SIRT5: variants seen among roughly 807,000 people sequenced by gnomAD.
SIRT5 encodes the protein NAD-dependent protein deacylase sirtuin-5, mitochondrial.
SIRT5 carries 26 observed loss-of-function variants against 40.0 expected under a neutral mutation model. That is an observed-to-expected ratio of 0.65 (90% CI 0.48 to 0.90). The LOEUF is 0.90. SIRT5 is among the 40% of genes least tolerant of loss of function. The pLI, the probability that SIRT5 is intolerant of heterozygous loss-of-function variation, is 0.00. For missense variants in SIRT5, 401 were observed against 402.4 expected, an observed-to-expected ratio of 1.00 and a Z score of 0.03; for synonymous variants, 146 against 149.1, an observed-to-expected ratio of 0.98 and a Z score of 0.15.
At chr6:13,604,817 T>C in intron 9 of SIRT5, 1 of 1,105,562 alleles carries the variant, frequency 9.0e-7, no homozygotes, top group East Asian at 6.8e-5. Context: ...GCCAAAATTC[T>C]TCAGCTTCAT....
intron 2 of SIRT5, among the ~76,000 whole-genome samples, chr6:13,582,036 A>G (rs1194438091): frequency 6.6e-6 from 1 of 152,176 alleles, no homozygotes; most frequent in Non-Finnish European, 1.5e-5. Flanking sequence ...ATGATCTAAC[A>G]CAAGCACAAA....
rs1270744875 is a variant in SIRT5, at chr6:13,588,378, A to T, written c.163A>T (p.Ile55Phe). ...TTTTGCAAAAGCAAAGCACATAGTC[A>T]TCATCTCAGGAGCTGGTGTTAGTGC... Reference protein sequence around the residue: ...KFFAKAKHIVIISGAGVSAES... With the variant: ...KFFAKAKHIVFISGAGVSAES... The change falls in exon 4 of 10, where the codon ATC (isoleucine) becomes TTC (phenylalanine). Residue 55 changes from isoleucine (I) to phenylalanine (F), a missense_variant. Coordinates refer to ENST00000606117, the MANE Select transcript of SIRT5 (RefSeq NM_012241.5). The T allele has an allele frequency of 6.2e-7, 1 of 1,614,128 alleles. No homozygotes were observed. Among genetic ancestry groups the T allele is most frequent in the Non-Finnish European group, 8.5e-7 (1 of 1,179,946 alleles).
intron 9 of SIRT5, chr6:13,604,765 C>G: frequency 2.5e-6 from 3 of 1,209,996 alleles, no homozygotes; most frequent in Admixed American, 9.3e-5. Flanking sequence ...CTGCTCAAGT[C>G]AAGCCTCCTA....
intron 1 of SIRT5, among the ~76,000 whole-genome samples, chr6:13,576,808 T>C (rs1488559892): frequency 6.6e-6 from 1 of 152,232 alleles, no homozygotes; most frequent in Non-Finnish European, 1.5e-5. Context: ...CTTTAATCTA[T>C]TTTGAGTTGA....
chr6:13,610,024 G>C (rs1161454327), intron 9 of SIRT5, among the ~76,000 whole-genome samples: 1 of 152,292 alleles, frequency 6.6e-6, no homozygotes, highest in South Asian at 2.1e-4. Context: ...AGTCTGTACA[G>C]TGGTATAATC....
At chr6:13,574,920 A>G (rs1223986078) in intron 1 of SIRT5, among the ~76,000 whole-genome samples, 176 bp downstream of exon 1, 1 of 152,070 alleles carries the variant, frequency 6.6e-6, no homozygotes, top group African/African-American at 2.4e-5. Context: ...TGGTCATTGC[A>G]GCTGCCAGGG....
chr6:13,606,223 G>A (rs1005173549), intron 9 of SIRT5, among the ~76,000 whole-genome samples: 1 of 152,180 alleles, frequency 6.6e-6, no homozygotes, highest in Admixed American at 6.5e-5. Flanking sequence ...TGGGATAAGA[G>A]CTTTTCAGAC....
At chr6:13,598,944 G>A in intron 7 of SIRT5, 88 bp from the exon 8 acceptor site, 1 of 1,518,454 alleles carries the variant, frequency 6.6e-7, no homozygotes, top group Non-Finnish European at 9.0e-7. Flanking sequence ...CCATCTGGAT[G>A]TACTAGGTTT....
In SIRT5 at chr6:13,612,311, A is replaced by G. The variant is rs1764013705; in HGVS notation, c.*446A>G. The G allele has an allele frequency of 6.6e-6, 1 of 151,692 alleles. No homozygotes were observed. Among genetic ancestry groups the G allele is most frequent in the Admixed American group, 6.6e-5 (1 of 15,214 alleles). The allele number at this position is 151,692 out of a possible 1,614,324, so 9.4% of individuals were successfully genotyped here. A position where few individuals can be genotyped will look rare whatever the true frequency, so the allele number is the denominator to read the frequency against. Reference sequence around the variant, plus strand: ...AGTAGGTAATTTATTGTATAAAGACATTACCCCACGATATGGCTTTATTAG... The same window carrying G: ...AGTAGGTAATTTATTGTATAAAGACGTTACCCCACGATATGGCTTTATTAG... On this transcript the variant is annotated 3_prime_UTR_variant, in exon 10 of 10. Coordinates refer to ENST00000606117, the MANE Select transcript of SIRT5 (RefSeq NM_012241.5).
At chr6:13,606,984 C>CTTT (rs74503844) in intron 9 of SIRT5, among the ~76,000 whole-genome samples, 2 of 135,860 alleles carry the variant, frequency 1.5e-5, no homozygotes, top group African/African-American at 5.4e-5. Flanking sequence ...ACTTGGCCTG[C>CTTT]TTTTTTTTTT....
In SIRT5 at chr6:13,614,227, TA is replaced by T. The variant is rs1409121046; in HGVS notation, c.*2363del. The T allele has an allele frequency of 1.3e-5, 2 of 152,196 alleles. No homozygotes were observed. The highest frequency in any genetic ancestry group is 3.8e-4 in the East Asian group (2 of 5,198). The allele number at this position is 152,196 out of a possible 1,614,324, so 9.4% of individuals were successfully genotyped here. ...CACAGAATGGCTGGAGCAACTGTCA[TA>T]TAAGCTGTTATGAAGTGCAGAAACT... On this transcript the variant is annotated 3_prime_UTR_variant, in exon 10 of 10. Transcript: ENST00000606117.
intron 3 of SIRT5, among the ~76,000 whole-genome samples, chr6:13,586,542 A>C (rs1283566283): frequency 2.0e-5 from 3 of 152,128 alleles, no homozygotes; most frequent in South Asian, 2.1e-4. Context: ...CAAAGATCAG[A>C]TGGTTGTAGA....
chr6:13,594,295 C>T (rs544172306), intron 5 of SIRT5, among the ~76,000 whole-genome samples: 3 of 152,310 alleles, frequency 2.0e-5, no homozygotes, highest in African/African-American at 7.2e-5. Flanking sequence ...ATCTGAATTT[C>T]AGAGATGTGA....
intron 7 of SIRT5, among the ~76,000 whole-genome samples, chr6:13,598,011 C>T (rs186499182): frequency 2.0e-5 from 3 of 152,228 alleles, no homozygotes; most frequent in Admixed American, 2.0e-4. Context: ...TGCTTTACTG[C>T]AGGACTTTTT....
Position 13,584,126 on chromosome 6 carries a change from A to C in SIRT5, c.16A>C (p.Ile6Leu). MRPLQ[I>L]VPSRLISQLY... ...ACAAACCCTGATGCGACCTCTCCAG[A>C]TTGTCCCAAGTCGATTGATTTCCCA... Residue 6 changes from isoleucine to leucine, a missense_variant, in exon 3 of 10, where the codon ATT (isoleucine) becomes CTT (leucine). Transcript: ENST00000606117. The C allele has an allele frequency of 1.2e-6, 2 of 1,614,032 alleles. No individual in the cohort carries two copies. The highest frequency in any genetic ancestry group is 1.7e-6 in the Non-Finnish European group (2 of 1,179,958).
intron 8 of SIRT5, 46 bp downstream of exon 8, chr6:13,599,201 T>A (rs182719851): frequency 4.7e-5 from 74 of 1,572,054 alleles, no homozygotes; most frequent in Non-Finnish European, 6.2e-5. Flanking sequence ...TGGAGTTTGT[T>A]ATTTTTTCCT....
intron 2 of SIRT5, among the ~76,000 whole-genome samples, chr6:13,582,963 C>A (rs1278752620): frequency 1.3e-5 from 2 of 152,026 alleles, no homozygotes; most frequent in Non-Finnish European, 2.9e-5. Flanking sequence ...CCCAGCACTT[C>A]GGGAGGCCTA....
At chr6:13,574,372 G>A (rs1758286526), upstream of SIRT5, among the ~76,000 whole-genome samples, 1 of 151,898 alleles carries the variant, frequency 6.6e-6, no homozygotes, top group South Asian at 2.1e-4. Flanking sequence ...CGGCTTCGAG[G>A]TCCCGACCAA....
At chr6:13,601,303 G>T (rs186390920) in intron 9 of SIRT5, among the ~76,000 whole-genome samples, 1 of 152,310 alleles carries the variant, frequency 6.6e-6, no homozygotes, top group East Asian at 1.9e-4. Context: ...AGATGCCCTT[G>T]CAGAACCTCA....
Sources: allele counts gnomAD v4.1 joint callset (sites outside exome capture counted in the v4.1 genomes callset), GRCh38; gene constraint gnomAD v4.1.1; transcripts MANE v1.5; gene names NCBI Gene and HGNC (gene_info 2026-07-23, HGNC 2026-07-21).